The following PIK3AP1 variants were observed in gnomAD, a reference collection of about 807,000 sequenced individuals.
PIK3AP1 encodes phosphoinositide 3-kinase adapter protein 1.
A neutral mutation model predicts 88.1 loss-of-function variants in PIK3AP1; 21 were observed. The ratio of observed to expected loss-of-function variants is 0.24; its 90% confidence interval spans 0.17 to 0.34. The LOEUF (loss-of-function observed/expected upper bound fraction) is 0.34, where lower values mean the gene tolerates loss of function less well. Among genes scored for constraint, PIK3AP1 ranks in the 10% least tolerant of loss-of-function variants. PIK3AP1 has a pLI of 1.00. For missense variants in PIK3AP1, 828 were observed against 1,035.7 expected (o/e 0.80, Z 2.75); for synonymous variants, 398 against 400.0 (o/e 1.00, Z 0.06).
At chr10:96,673,343 A>T (rs989063459) in intron 2 of PIK3AP1, among the ~76,000 whole-genome samples, 7 of 152,214 alleles carry the variant, frequency 4.6e-5, no homozygotes, top group Non-Finnish European at 1.0e-4. Context: ...GGCGGGGTTT[A>T]TCAGGATCCT....
At chr10:96,605,646 T>C (rs1848989879) in intron 14 of PIK3AP1, among the ~76,000 whole-genome samples, 1 of 152,246 alleles carries the variant, frequency 6.6e-6, no homozygotes, top group Non-Finnish European at 1.5e-5. Flanking sequence ...TGCATTCTGG[T>C]ATCAACTTTG....
chr10:96,660,292 A>G (rs938458773), intron 2 of PIK3AP1, among the ~76,000 whole-genome samples: 6 of 152,174 alleles, frequency 3.9e-5, no homozygotes, highest in African/African-American at 1.4e-4. Flanking sequence ...CCTGATTTTA[A>G]AAAAGAGCAA....
At chr10:96,707,616 A>G (rs1418322126) in intron 2 of PIK3AP1, among the ~76,000 whole-genome samples, 2 of 152,068 alleles carry the variant, frequency 1.3e-5, no homozygotes, top group Non-Finnish European at 2.9e-5. Flanking sequence ...ATTTTAAAGA[A>G]CAATCTGTTA....
intron 16 of PIK3AP1, among the ~76,000 whole-genome samples, chr10:96,599,679 G>C (rs1163839327): frequency 1.3e-5 from 2 of 152,288 alleles, no homozygotes; most frequent in Non-Finnish European, 2.9e-5. Flanking sequence ...ATTCTGGAGA[G>C]AGTCCCATTT....
rs752678845 is a variant in PIK3AP1 at position 96,720,336 on chromosome 10, A to C, written c.13+46T>G. 8.0e-7 allele frequency: 1 copy of C among 1,242,806 alleles called. No individual in the cohort carries two copies. Among genetic ancestry groups the C allele is most frequent in the Non-Finnish European group, 1.0e-6 (1 of 987,614 alleles). 77.0% of individuals were successfully genotyped at this position (1,242,806 alleles called of 1,614,324 possible). Reference sequence around the variant, plus strand: ...CGCGCCTCAAGGGATGCGGGGTACGAGAGAGGGGCCGGGAGCCCGGGGACC... The same window carrying C: ...CGCGCCTCAAGGGATGCGGGGTACGCGAGAGGGGCCGGGAGCCCGGGGACC... On this transcript the variant is annotated intron_variant, in intron 1 of 16. Coordinates refer to ENST00000339364, the MANE Select transcript of PIK3AP1 (RefSeq NM_152309.3). This position sits in a 1 kb window ranked among gnomAD's most constrained non-coding sequence, Gnocchi z 4.6.
chr10:96,655,826 G>A (rs147996459), intron 3 of PIK3AP1, among the ~76,000 whole-genome samples: 1 of 152,262 alleles, frequency 6.6e-6, no homozygotes, highest in African/African-American at 2.4e-5. Flanking sequence ...GGCCCCCTTA[G>A]CCATGTAGAA....
intron 8 of PIK3AP1, among the ~76,000 whole-genome samples, chr10:96,644,155 G>T (rs1271250396): frequency 2.0e-5 from 3 of 152,162 alleles, no homozygotes; most frequent in Non-Finnish European, 4.4e-5. Flanking sequence ...ATCTATGAGG[G>T]TATTTTGGGT....
intron 8 of PIK3AP1, among the ~76,000 whole-genome samples, chr10:96,639,178 A>G (rs1433545085): frequency 6.6e-6 from 1 of 152,158 alleles, no homozygotes; most frequent in East Asian, 1.9e-4. Flanking sequence ...GGGGACACCT[A>G]ACAGATGTCT....
At position 96,709,771 on chromosome 10, in the gene PIK3AP1, C is replaced by A. The variant is rs1844414314; in HGVS notation, c.226G>T (p.Val76Leu). The part of the protein sequence containing the change: ...CVVVLLSAEL[V>L]QHFHKPALLP... Reference sequence around the variant, plus strand: ...AAGGCGGGCTTGTGGAAGTGCTGCACCAGCTCCGCGGACAGCAGCACCACG... The same window carrying A: ...AAGGCGGGCTTGTGGAAGTGCTGCAACAGCTCCGCGGACAGCAGCACCACG... Residue 76 changes from valine (V) to leucine (L), a missense_variant, in exon 2 of 17, where the codon GTG becomes TTG. Physicochemically the swap from Val to Leu is conservative, Grantham distance 32 (BLOSUM62 1). Coordinates refer to ENST00000339364, the MANE Select transcript of PIK3AP1 (RefSeq NM_152309.3). The A allele has an allele frequency of 6.2e-7, 1 of 1,613,790 alleles. No homozygotes were observed. Among genetic ancestry groups the A allele is most frequent in the Non-Finnish European group, 8.5e-7 (1 of 1,179,800 alleles).
chr10:96,613,742 A>G (rs1849165564), intron 13 of PIK3AP1, among the ~76,000 whole-genome samples: 1 of 152,094 alleles, frequency 6.6e-6, no homozygotes, highest in Non-Finnish European at 1.5e-5. Context: ...AGAACTTGTG[A>G]TTCATTCTGG....
intron 4 of PIK3AP1, among the ~76,000 whole-genome samples, 164 bp from the exon 5 acceptor site, chr10:96,651,815 G>C (rs781221398): frequency 1.1e-4 from 16 of 152,112 alleles, no homozygotes; most frequent in Non-Finnish European, 2.1e-4. Flanking sequence ...AAAGGGTGGA[G>C]GTAGCAGGTG....
At position 96,709,770 on chromosome 10, in the gene PIK3AP1, A is replaced by G. The variant is rs770097737; in HGVS notation, c.227T>C (p.Val76Ala). ...CAAGGCGGGCTTGTGGAAGTGCTGCACCAGCTCCGCGGACAGCAGCACCAC... is the reference window on the plus strand; with the variant it reads ...CAAGGCGGGCTTGTGGAAGTGCTGCGCCAGCTCCGCGGACAGCAGCACCAC... ...CVVVLLSAEL[V>A]QHFHKPALLP... Residue 76 changes from valine to alanine, a missense_variant, in exon 2 of 17, where the codon GTG (valine) becomes GCG (alanine). By Grantham distance (64) the Val-to-Ala change is moderately conservative. Around this residue, in one of 3 missense-constraint regions of PIK3AP1, gnomAD observed 610 missense variants for 760.1 expected, o/e 0.80. Coordinates refer to ENST00000339364, the MANE Select transcript of PIK3AP1 (RefSeq NM_152309.3). The G allele has an allele frequency of 6.2e-7, 1 of 1,613,690 alleles. No individual in the cohort carries two copies. Among genetic ancestry groups the G allele is most frequent in the Non-Finnish European group, 8.5e-7 (1 of 1,179,822 alleles).
chr10:96,690,034 T>C (rs1278927617), intron 2 of PIK3AP1, among the ~76,000 whole-genome samples: 1 of 152,238 alleles, frequency 6.6e-6, no homozygotes, highest in Non-Finnish European at 1.5e-5. Context: ...CCAGGAATCC[T>C]AATCTGCCCT....
In PIK3AP1 at chr10:96,672,536, T is replaced by G. The variant is rs149916299; in HGVS notation, c.431-15602A>C. Reference sequence around the variant, plus strand: ...AAATAAATGAACTATTAGCTCTAAATGAGCTATTCAAAGTGTTCATTTCTT... The same window carrying G: ...AAATAAATGAACTATTAGCTCTAAAGGAGCTATTCAAAGTGTTCATTTCTT... On this transcript the variant is annotated intron_variant, in intron 2 of 16. Transcript: ENST00000339364. Among the ~76,000 whole-genome samples, 44 of 152,356 alleles carry G rather than the reference T, an allele frequency of 2.9e-4. 1 individual carries two copies. In the East Asian group the frequency reaches 8.1e-3, roughly 28 times the overall value.
At chr10:96,663,208 A>G (rs1054083778) in intron 2 of PIK3AP1, among the ~76,000 whole-genome samples, 2 of 152,188 alleles carry the variant, frequency 1.3e-5, no homozygotes, top group Non-Finnish European at 2.9e-5. Flanking sequence ...ATATTCTAAA[A>G]TTGATTGAAA....
intron 7 of PIK3AP1, 62 bp from the exon 8 acceptor site, chr10:96,645,724 G>GC: frequency 1.4e-6 from 2 of 1,419,902 alleles, no homozygotes; most frequent in Middle Eastern, 2.5e-4. Flanking sequence ...GTGGAACTTG[G>GC]CCCCCGAAGG....
At chr10:96,658,063 C>CAAA (rs10706863) in intron 2 of PIK3AP1, among the ~76,000 whole-genome samples, 8,041 of 113,728 alleles carry the variant, frequency 0.071, 332 homozygotes, top group South Asian at 0.15. Flanking sequence ...AACTCCATCT[C>CAAA]AAAAAAAAAA....
intron 1 of PIK3AP1, among the ~76,000 whole-genome samples, chr10:96,718,238 T>C (rs1165544992): frequency 6.6e-6 from 1 of 152,254 alleles, no homozygotes; most frequent in Non-Finnish European, 1.5e-5. Context: ...TGGCTACACA[T>C]ATCTGTAAAG....
At chr10:96,710,286 A>T (rs947416007) in intron 1 of PIK3AP1, among the ~76,000 whole-genome samples, 1 of 152,040 alleles carries the variant, frequency 6.6e-6, no homozygotes, top group Non-Finnish European at 1.5e-5. Context: ...CAGTGGCCCA[A>T]TCTCAGCTCA....
Sources: gnomAD v4.1 joint callset for allele counts (sites outside exome capture counted in the v4.1 genomes callset) on GRCh38, gnomAD v4.1.1 for gene constraint, gnomAD v4.1.1 regional missense constraint, Gnocchi (gnomAD v3.1) non-coding constraint, MANE v1.5 for transcripts, NCBI Gene and HGNC (gene_info 2026-07-23, HGNC 2026-07-21) for gene names.